The following UCP1 variants were observed in gnomAD, a reference collection of about 807,000 sequenced individuals.
UCP1 encodes the protein mitochondrial brown fat uncoupling protein 1.
UCP1 carries 24 observed loss-of-function variants against 26.2 expected under a neutral mutation model. The observed-to-expected ratio is 0.92, with a 90% CI of 0.66 to 1.29. The LOEUF (loss-of-function observed/expected upper bound fraction) is 1.29, where lower values mean the gene tolerates loss of function less well. Among genes scored for constraint, UCP1 ranks in the 50% most tolerant of loss-of-function variants. UCP1 has a pLI of 0.00. For synonymous variants in UCP1, 164 were observed against 156.8 expected (o/e 1.05, Z -0.34); for missense variants, 402 against 388.7 (o/e 1.03, Z -0.29).
rs1450904127 is a variant in UCP1, at chr4:140,568,771, C to T, written c.-42G>A. ...GAGATGCAGAGGAAAAGGGCTCCAG[C>T]CCCGAAGGTGGAGGAAGTTCCTTTC... is the stretch of plus-strand genomic sequence containing the variant. On this transcript the variant is annotated 5_prime_UTR_variant, in exon 1 of 6. Transcript: ENST00000262999. The T allele has an allele frequency of 1.3e-6, 2 of 1,551,500 alleles. No individual in the cohort carries two copies. Among genetic ancestry groups the T allele is most frequent in the Non-Finnish European group, 8.7e-7 (1 of 1,153,052 alleles).
Position 140,559,725 on chromosome 4 carries a change from G to A in UCP1, c.*171C>T. 1.6e-6 allele frequency: 1 copy of A among 619,792 alleles called. No homozygotes were observed. The highest frequency in any genetic ancestry group is 3.0e-5 in the Admixed American group (1 of 33,420). 38.4% of individuals were successfully genotyped at this position (619,792 alleles called of 1,614,324 possible). ...CTTAAGACACTGAGAAAAAAAAAAA[G>A]TTATATGAAATAGGCATTAATTTTC... On this transcript the variant is annotated 3_prime_UTR_variant, in exon 6 of 6. Coordinates refer to ENST00000262999, the MANE Select transcript of UCP1 (RefSeq NM_021833.5).
intron 2 of UCP1, 79 bp downstream of exon 2, chr4:140,567,700 C>T: frequency 6.4e-7 from 1 of 1,558,748 alleles, no homozygotes; most frequent in Admixed American, 1.7e-5. Context: ...ATGAAAACCA[C>T]TCCTCTGTGT....
chr4:140,563,265 T>A lies in UCP1; in HGVS notation c.526+53A>T, dbSNP rs942721402. Reference sequence around the variant, plus strand: ...TTAACTCTACTTTACAATAAGTTGCTAGTTGTATGTATGTGCTTTGGTGGT... The same window carrying A: ...TTAACTCTACTTTACAATAAGTTGCAAGTTGTATGTATGTGCTTTGGTGGT... On this transcript the variant is annotated intron_variant, in intron 3 of 5. Coordinates refer to ENST00000262999, the MANE Select transcript of UCP1 (RefSeq NM_021833.5). 9 of 1,612,588 alleles carry A rather than the reference T, an allele frequency of 5.6e-6. No individual in the cohort carries two copies. In the Admixed American group the frequency reaches 1.3e-4, roughly 24 times the overall value.
chr4:140,559,725 G>C lies in UCP1; in HGVS notation c.*171C>G, dbSNP rs931997586. The C allele has an allele frequency of 1.6e-6, 1 of 619,682 alleles. No individual in the cohort carries two copies. The highest frequency in any genetic ancestry group is 1.9e-5 in the African/African-American group (1 of 53,052). The allele number at this position is 619,682 out of a possible 1,614,324, so 38.4% of individuals were successfully genotyped here. ...CTTAAGACACTGAGAAAAAAAAAAA[G>C]TTATATGAAATAGGCATTAATTTTC... On this transcript the variant is annotated 3_prime_UTR_variant, in exon 6 of 6. Coordinates refer to ENST00000262999, the MANE Select transcript of UCP1 (RefSeq NM_021833.5).
chr4:140,562,375 T>C lies in UCP1; in HGVS notation c.629-2A>G, dbSNP rs777643765. 2 of 1,613,994 alleles carry C rather than the reference T, an allele frequency of 1.2e-6. No homozygotes were observed. Among genetic ancestry groups the C allele is most frequent in the Admixed American group, 1.7e-5 (1 of 59,996 alleles). On this transcript the variant is annotated splice_acceptor_variant, in intron 4 of 5. Coordinates refer to ENST00000262999, the MANE Select transcript of UCP1 (RefSeq NM_021833.5). LOFTEE classifies it high-confidence loss of function. The stretch of plus-strand genomic sequence containing the variant: ...ACACCAAGTGGCAGGGGACGTCATC[T>C]AAAATGGATCGATGAAACAGGTCAA...
intron 4 of UCP1, among the ~76,000 whole-genome samples, 168 bp downstream of exon 4, chr4:140,562,942 T>G (rs2110908980): frequency 6.6e-6 from 1 of 152,306 alleles, no homozygotes; most frequent in East Asian, 1.9e-4. Flanking sequence ...AAACTTAATA[T>G]TTTGGTCTTT....
At chr4:140,567,140 T>C (rs1052775063) in intron 2 of UCP1, among the ~76,000 whole-genome samples, 3 of 152,186 alleles carry the variant, frequency 2.0e-5, no homozygotes, top group African/African-American at 4.8e-5. Flanking sequence ...ATTCTTAGAG[T>C]GCACTGGCAC....
chr4:140,559,826 G>GT lies in UCP1; in HGVS notation c.*69dup. 1 of 1,352,300 alleles carries GT rather than the reference G, an allele frequency of 7.4e-7. No individual in the cohort carries two copies. Among genetic ancestry groups the GT allele is most frequent in the Non-Finnish European group, 1.1e-6 (1 of 948,748 alleles). The allele number at this position is 1,352,300 out of a possible 1,614,324, so 83.8% of individuals were successfully genotyped here. ...TTTTTAGGTTAAAATAAGTGAATAA[G>GT]TTTTGTTTGTTTTTATGATCCAGTC... On this transcript the variant is annotated 3_prime_UTR_variant, in exon 6 of 6. Coordinates refer to ENST00000262999, the MANE Select transcript of UCP1 (RefSeq NM_021833.5).
chr4:140,563,175 T>A lies in UCP1; in HGVS notation c.563A>T (p.Asn188Ile), dbSNP rs1553963884. ...TPNLMRSVIINCTELVTYDLM... is the reference protein window; with the variant it reads ...TPNLMRSVIIICTELVTYDLM... ...ATCATATGTTACTAGCTCTGTACAA[T>A]TGATGATGACACTTCTCATCAGATT... is the stretch of plus-strand genomic sequence containing the variant. The change falls in exon 4 of 6, where the codon AAT becomes ATT. Residue 188 changes from asparagine to isoleucine, a missense_variant. By Grantham distance (149) the Asn-to-Ile change is moderately radical (BLOSUM62 -3). Transcript: ENST00000262999. 6.2e-7 allele frequency: 1 copy of A among 1,613,676 alleles called. No individual in the cohort carries two copies. The highest frequency in any genetic ancestry group is 1.7e-5 in the Admixed American group (1 of 60,000).
intron 2 of UCP1, among the ~76,000 whole-genome samples, 181 bp from the exon 3 acceptor site, chr4:140,563,699 C>A (rs1735739064): frequency 6.6e-6 from 1 of 151,634 alleles, no homozygotes; most frequent in Admixed American, 6.6e-5. Context: ...TCTCCGCCTC[C>A]CGGGTTCAAG....
rs1735638051 is a variant in UCP1 at position 140,559,807 on chromosome 4, G to A, written c.*89C>T. ...CTGCCAAAATTCCTTTATCTTTTTA[G>A]GTTAAAATAAGTGAATAAGTTTTGT... On this transcript the variant is annotated 3_prime_UTR_variant, in exon 6 of 6. Transcript: ENST00000262999. 26 of 1,246,910 alleles carry A rather than the reference G, an allele frequency of 2.1e-5. No individual in the cohort carries two copies. Among genetic ancestry groups the A allele is most frequent in the Non-Finnish European group, 3.0e-5 (26 of 868,798 alleles). 77.2% of individuals were successfully genotyped at this position (1,246,910 alleles called of 1,614,324 possible).
chr4:140,563,631 G>A, intron 2 of UCP1, 113 bp from the exon 3 acceptor site: 5 of 956,924 alleles, frequency 5.2e-6, no homozygotes, highest in Non-Finnish European at 7.7e-6. Context: ...TTTTTGAGAT[G>A]GAGTCTTGCT....
At chr4:140,565,697 G>A (rs1266347354) in intron 2 of UCP1, among the ~76,000 whole-genome samples, 1 of 152,012 alleles carries the variant, frequency 6.6e-6, no homozygotes, top group East Asian at 1.9e-4. Context: ...ACTCTACTTG[G>A]AAGCTCCTTT....
intron 2 of UCP1, among the ~76,000 whole-genome samples, chr4:140,563,720 G>A (rs1408839687): frequency 6.6e-6 from 1 of 151,136 alleles, no homozygotes; most frequent in Non-Finnish European, 1.5e-5. Flanking sequence ...AGATTCTCCT[G>A]CCTCAGCCTC....
chr4:140,563,187 C>T lies in UCP1; in HGVS notation c.551G>A (p.Ser184Asn). 2 of 1,613,088 alleles carry T rather than the reference C, an allele frequency of 1.2e-6. No homozygotes were observed. The highest frequency in any genetic ancestry group is 1.7e-6 in the Non-Finnish European group (2 of 1,179,620). Residue 184 changes from serine (S) to asparagine (N), a missense_variant, in exon 4 of 6, where the codon AGT (serine) becomes AAT (asparagine). Transcript: ENST00000262999. ...TAGCTCTGTACAATTGATGATGACA[C>T]TTCTCATCAGATTGGGAGTAGTCCC... ...WKGTTPNLMR[S>N]VIINCTELVT...
In UCP1 at chr4:140,562,980, T is replaced by G. The variant is rs1735711352; in HGVS notation, c.628+130A>C. ...CTGCTTCTCACAAAGTTATATATGGTTCAAAATTACTTAATTTTTAAAAAG... is the reference window on the plus strand; with the variant it reads ...CTGCTTCTCACAAAGTTATATATGGGTCAAAATTACTTAATTTTTAAAAAG... On this transcript the variant is annotated intron_variant, in intron 4 of 5. Transcript: ENST00000262999. The G allele has an allele frequency of 3.9e-5, 32 of 814,750 alleles. No homozygotes were observed. In the South Asian group the frequency reaches 4.8e-4, roughly 12 times the overall value. 50.5% of individuals were successfully genotyped at this position (814,750 alleles called of 1,614,324 possible).
At position 140,568,737 on chromosome 4, in the gene UCP1, CAG is replaced by C. The variant is rs1367668129; in HGVS notation, c.-10_-9del. 1 of 1,582,664 alleles carries C rather than the reference CAG, an allele frequency of 6.3e-7. No individual in the cohort carries two copies. ...GGCTGTCAGGCCCCCCATCTTCACTCAGAGACTGGAGATGCAGAGGAAAAGGG... is the reference window on the plus strand; with the variant it reads ...GGCTGTCAGGCCCCCCATCTTCACTCAGACTGGAGATGCAGAGGAAAAGGG... On this transcript the variant is annotated 5_prime_UTR_variant, in exon 1 of 6. Transcript: ENST00000262999.
rs1295973684 is a variant in UCP1, at chr4:140,567,791, C to T, written c.313G>A (p.Ala105Thr). ...GCTCACGGCTTACTTTCTTTCCCTGCGGTGAGGAACTCCTGGACCGTGTCG... is the reference window on the plus strand; with the variant it reads ...GCTCACGGCTTACTTTCTTTCCCTGTGGTGAGGAACTCCTGGACCGTGTCG... ...LYDTVQEFLTAGKETAPSLGS... is the reference protein window; with the variant it reads ...LYDTVQEFLTTGKETAPSLGS... The change falls in exon 2 of 6, where the codon GCA becomes ACA. Residue 105 changes from alanine to threonine, a missense_variant. Coordinates refer to ENST00000262999, the MANE Select transcript of UCP1 (RefSeq NM_021833.5). 3 of 1,613,966 alleles carry T rather than the reference C, an allele frequency of 1.9e-6. No individual in the cohort carries two copies. Among genetic ancestry groups the T allele is most frequent in the South Asian group, 2.2e-5 (2 of 91,066 alleles).
intron 2 of UCP1, among the ~76,000 whole-genome samples, chr4:140,564,602 C>A (rs1735757185): frequency 6.6e-6 from 1 of 152,186 alleles, no homozygotes; most frequent in Admixed American, 6.5e-5. Context: ...AGAAAATCCA[C>A]AAAACTGGCA....
Sources: allele counts gnomAD v4.1 joint callset (sites outside exome capture counted in the v4.1 genomes callset), GRCh38; gene constraint gnomAD v4.1.1; transcripts MANE v1.5; gene names NCBI Gene and HGNC (gene_info 2026-07-23, HGNC 2026-07-21).